Variants in PIP4K2B observed in about 807,000 individuals in gnomAD.
PIP4K2B encodes the protein phosphatidylinositol 5-phosphate 4-kinase type-2 beta.
A neutral mutation model predicts 42.0 loss-of-function variants in PIP4K2B; 3 were observed. The ratio of observed to expected loss-of-function variants is 0.07; its 90% CI spans 0.03 to 0.18. The LOEUF is 0.18. Among genes scored for constraint, PIP4K2B ranks in the 10% least tolerant of loss-of-function variants. PIP4K2B has a pLI of 1.00. For missense variants in PIP4K2B, 332 were observed against 562.3 expected (o/e 0.59, Z 4.14); for synonymous variants, 204 against 210.1 (o/e 0.97, Z 0.25).
Position 38,792,276 on chromosome 17 carries a change from G to C in PIP4K2B, c.160-5356C>G, listed in dbSNP as rs1029467794. Among the ~76,000 whole-genome samples the C allele has an allele frequency of 4.6e-5, 7 of 152,020 alleles. 1 individual carries two copies. The highest frequency in any genetic ancestry group is 8.8e-5 in the Non-Finnish European group (6 of 68,004). The stretch of plus-strand genomic sequence containing the variant: ...TGATTCTCCCATCTCAGCCTCCCTA[G>C]TAGATGGGACTACAGGTGTGCCATC... On this transcript the variant is annotated intron_variant, in intron 1 of 9. Coordinates refer to ENST00000619039, the MANE Select transcript of PIP4K2B (RefSeq NM_003559.5).
At chr17:38,774,475 T>C (rs931193431) in intron 7 of PIP4K2B, among the ~76,000 whole-genome samples, 2 of 152,050 alleles carry the variant, frequency 1.3e-5, no homozygotes, top group African/African-American at 2.4e-5. Context: ...TTCCTTAAAA[T>C]AAATCTCTTA....
At chr17:38,782,925 C>T (rs1909787579) in intron 3 of PIP4K2B, among the ~76,000 whole-genome samples, 1 of 152,056 alleles carries the variant, frequency 6.6e-6, no homozygotes, top group Non-Finnish European at 1.5e-5. Flanking sequence ...CGGTGGCTCA[C>T]GCCTGTAATC....
chr17:38,771,428 G>A (rs543074482), intron 7 of PIP4K2B, among the ~76,000 whole-genome samples, 156 bp from the exon 8 acceptor site: 6 of 22,156 alleles, frequency 2.7e-4, no homozygotes, highest in South Asian at 4.1e-3. Flanking sequence ...ACCCGCCCTC[G>A]CGAGCTCTCT....
intron 1 of PIP4K2B, among the ~76,000 whole-genome samples, chr17:38,787,646 T>C (rs1395633911): frequency 1.3e-5 from 2 of 152,192 alleles, no homozygotes; most frequent in Non-Finnish European, 2.9e-5. Context: ...CAGGCTGGAG[T>C]GCAATGGCAC....
intron 2 of PIP4K2B, among the ~76,000 whole-genome samples, chr17:38,786,075 C>T (rs1909994885): frequency 6.6e-6 from 1 of 152,184 alleles, no homozygotes; most frequent in South Asian, 2.1e-4. Context: ...TCTGGACTAA[C>T]AGTCTGGGAA....
chr17:38,795,998 T>C (rs1274985663), intron 1 of PIP4K2B, among the ~76,000 whole-genome samples: 6 of 151,968 alleles, frequency 3.9e-5, no homozygotes, highest in Admixed American at 2.6e-4. Context: ...ATTAGCCACG[T>C]GTGGTGGCAG....
Position 38,771,147 on chromosome 17 carries a change from C to A in PIP4K2B, c.933G>T (p.Gly311=), listed in dbSNP as rs566067624. The A allele has an allele frequency of 6.2e-7, 1 of 1,614,108 alleles. No individual in the cohort carries two copies. Among genetic ancestry groups the A allele is most frequent in the South Asian group, 1.1e-5 (1 of 91,082 alleles). The part of the protein sequence containing the change: ...RAEDEECEND[G]VGGNLLCSYG... ...AGGAGCAGAGTAGGTTGCCACCCAC[C>A]CCATCATTCTCACACTCCTCGTCCT... is the stretch of plus-strand genomic sequence containing the variant. The change falls in exon 8 of 10, where the codon GGG becomes GGT. Residue 311 remains glycine (G), a synonymous_variant. Transcript: ENST00000619039.
At chr17:38,779,617 G>A in intron 4 of PIP4K2B, 88 bp from the exon 5 acceptor site, 1 of 1,220,302 alleles carries the variant, frequency 8.2e-7, no homozygotes, top group Non-Finnish European at 1.2e-6. Context: ...ATGCTCCCTG[G>A]CTCCCTGGGA....
chr17:38,797,407 C>T (rs758449247), intron 1 of PIP4K2B, among the ~76,000 whole-genome samples: 3 of 152,148 alleles, frequency 2.0e-5, no homozygotes, highest in Non-Finnish European at 4.4e-5. Flanking sequence ...GACTATACTT[C>T]GCATCTATCC....
intron 7 of PIP4K2B, among the ~76,000 whole-genome samples, chr17:38,773,205 TA>T (rs1396077617): frequency 2.6e-5 from 4 of 152,120 alleles, no homozygotes; most frequent in African/African-American, 9.7e-5. Context: ...AATATACTTC[TA>T]ACTGGCCTCA....
intron 2 of PIP4K2B, 76 bp from the exon 3 acceptor site, chr17:38,784,415 TA>T (rs1440084841): frequency 2.4e-6 from 2 of 820,742 alleles, no homozygotes; most frequent in South Asian, 3.3e-5. Context: ...TTATTTTTTG[TA>T]ATAGAGACAG....
At chr17:38,798,925 G>C (rs537973950) in intron 1 of PIP4K2B, among the ~76,000 whole-genome samples, 16 of 152,214 alleles carry the variant, frequency 1.1e-4, no homozygotes, top group African/African-American at 3.6e-4. Flanking sequence ...ACAGGATGAG[G>C]GGGGAGGAGG....
chr17:38,799,507 C>T lies in PIP4K2B; in HGVS notation c.-83G>A, dbSNP rs373236628. 2 of 1,373,094 alleles carry T rather than the reference C, an allele frequency of 1.5e-6. No homozygotes were observed. The highest frequency in any genetic ancestry group is 1.5e-5 in the African/African-American group (1 of 65,080). The allele number at this position is 1,373,094 out of a possible 1,614,324, so 85.1% of individuals were successfully genotyped here. A position where few individuals can be genotyped will look rare whatever the true frequency, so the allele number is the denominator to read the frequency against. On this transcript the variant is annotated 5_prime_UTR_variant, in exon 1 of 10. Transcript: ENST00000619039. The surrounding 1 kb of genome is among the most constrained non-coding windows in gnomAD (Gnocchi z 4.4). ...CAGCGGCCTCAGGCCTCCCCCGGAC[C>T]GATCCCCACCCCCGCTCCCTCACCG...
intron 1 of PIP4K2B, among the ~76,000 whole-genome samples, chr17:38,787,869 A>T (rs1030075199): frequency 6.6e-6 from 1 of 152,208 alleles, no homozygotes; most frequent in Admixed American, 6.5e-5. Flanking sequence ...AAGTGTTGGG[A>T]TTACAGGCGT....
rs1383659737 is a variant in PIP4K2B, at chr17:38,778,384, A to G, written c.655-12T>C. ...GCAACCGTAGAACCCTGAAAGGATA[A>G]GAGCCATCAGGGGAAGTCAAGCTGA... On this transcript the variant is annotated splice_polypyrimidine_tract_variant and intron_variant, in intron 5 of 9. Coordinates refer to ENST00000619039, the MANE Select transcript of PIP4K2B (RefSeq NM_003559.5). 1.2e-6 allele frequency: 2 copies of G among 1,613,882 alleles called. No individual in the cohort carries two copies. Among genetic ancestry groups the G allele is most frequent in the South Asian group, 2.2e-5 (2 of 91,088 alleles).
intron 2 of PIP4K2B, among the ~76,000 whole-genome samples, chr17:38,785,545 G>T (rs559765874): frequency 1.3e-5 from 2 of 152,230 alleles, no homozygotes; most frequent in African/African-American, 4.8e-5. Context: ...CGGGCGTGGT[G>T]GTGGGTGCCT....
At chr17:38,777,059 GC>G (rs1198950947) in intron 7 of PIP4K2B, among the ~76,000 whole-genome samples, 1 of 152,012 alleles carries the variant, frequency 6.6e-6, no homozygotes, top group African/African-American at 2.4e-5. Flanking sequence ...ACCATGCTTA[GC>G]CAACTTTTTC....
At chr17:38,776,657 A>AC (rs1214756714) in intron 7 of PIP4K2B, 13 of 439,858 alleles carry the variant, frequency 3.0e-5, no homozygotes, top group African/African-American at 2.0e-4. Flanking sequence ...AAACAAACAA[A>AC]AAAAACACCT....
In PIP4K2B at chr17:38,799,470, C is replaced by G. The variant is rs1910844192; in HGVS notation, c.-46G>C. On this transcript the variant is annotated 5_prime_UTR_variant, in exon 1 of 10. Transcript: ENST00000619039. The surrounding 1 kb of genome is among the most constrained non-coding windows in gnomAD (Gnocchi z 4.4). ...CGGCGAAAGAGGGGGGCGGCGGAGA[C>G]AGCGCACAAGCCAGCGGCCTCAGGC... 2 of 1,514,770 alleles carry G rather than the reference C, an allele frequency of 1.3e-6. No individual in the cohort carries two copies. Among genetic ancestry groups the G allele is most frequent in the Non-Finnish European group, 1.8e-6 (2 of 1,139,268 alleles). 93.8% of individuals were successfully genotyped at this position (1,514,770 alleles called of 1,614,324 possible).
Sources: allele counts gnomAD v4.1 joint callset (sites outside exome capture counted in the v4.1 genomes callset), GRCh38; gene constraint gnomAD v4.1.1; non-coding constraint Gnocchi (gnomAD v3.1); transcripts MANE v1.5; gene names NCBI Gene and HGNC (gene_info 2026-07-23, HGNC 2026-07-21).